The following SPRYD4 variants were observed in gnomAD, a reference collection of about 807,000 sequenced individuals.
SPRYD4 encodes SPRY domain containing 4.
In SPRYD4, 12 loss-of-function variants were observed where a neutral mutation model predicts 16.6. That is an observed-to-expected ratio of 0.72 (90% CI 0.46 to 1.17). The LOEUF (loss-of-function observed/expected upper bound fraction) is 1.17. SPRYD4 is among the 50% of genes most tolerant of loss of function. SPRYD4 has a pLI of 0.00. For synonymous variants in SPRYD4, 98 were observed against 105.4 expected (o/e 0.93, Z 0.43); for missense variants, 260 against 260.2 (o/e 1.00, Z 0.00).
rs1171708433 is a variant in SPRYD4 at position 56,473,204 on chromosome 12, C to T, written c.*3627C>T. On this transcript the variant is annotated 3_prime_UTR_variant, in exon 2 of 2. Coordinates refer to ENST00000338146, the MANE Select transcript of SPRYD4 (RefSeq NM_207344.4). ...GCACCTGGCCTTTGAAATATTCTTA[C>T]AAGCCACCTGGAGTTTTCCTTACCC... The T allele has an allele frequency of 6.2e-7, 1 of 1,609,006 alleles. No individual in the cohort carries two copies. The highest frequency in any genetic ancestry group is 8.5e-7 in the Non-Finnish European group (1 of 1,175,576).
In SPRYD4 at chr12:56,476,165, CT is replaced by C. The variant is rs34325581; in HGVS notation, c.*6596del. 4.0e-5 allele frequency: 21 copies of C among 531,212 alleles called. No individual in the cohort carries two copies. The highest frequency in any genetic ancestry group is 5.9e-5 in the African/African-American group (3 of 51,048). The allele number at this position is 531,212 out of a possible 1,614,324, so 32.9% of individuals were successfully genotyped here. A position where few individuals can be genotyped will look rare whatever the true frequency, so the allele number is the denominator to read the frequency against. On this transcript the variant is annotated 3_prime_UTR_variant, in exon 2 of 2. Transcript: ENST00000338146. ...TCCATTGGCTCCTCTCTTTCTCTTT[CT>C]TTTTTTTGAGACAGTCTTGCTTTGT...
rs1235173408 is a variant in SPRYD4 at position 56,475,580 on chromosome 12, A to G, written c.*6003A>G. ...TTGTCCCCATCCTAAGTACACACAC[A>G]TACACCACAATGCTTTCAGTCAGTC... On this transcript the variant is annotated 3_prime_UTR_variant, in exon 2 of 2. Coordinates refer to ENST00000338146, the MANE Select transcript of SPRYD4 (RefSeq NM_207344.4). 1.3e-6 allele frequency: 2 copies of G among 1,591,108 alleles called. No homozygotes were observed. The highest frequency in any genetic ancestry group is 1.7e-6 in the Non-Finnish European group (2 of 1,159,342).
chr12:56,475,583 C>A lies in SPRYD4; in HGVS notation c.*6006C>A. The A allele has an allele frequency of 6.3e-7, 1 of 1,595,466 alleles. No individual in the cohort carries two copies. The highest frequency in any genetic ancestry group is 8.6e-7 in the Non-Finnish European group (1 of 1,163,260). On this transcript the variant is annotated 3_prime_UTR_variant, in exon 2 of 2. Transcript: ENST00000338146. The stretch of plus-strand genomic sequence containing the variant: ...TCCCCATCCTAAGTACACACACATA[C>A]ACCACAATGCTTTCAGTCAGTCCTC...
At position 56,471,539 on chromosome 12, in the gene SPRYD4, G is replaced by A; in HGVS notation, c.*1962G>A. ...GGACAGGGCCTCAGCTGCTGCCTCA[G>A]CCTGAGTTTCAGAGAGTGTGTAGGA... On this transcript the variant is annotated 3_prime_UTR_variant, in exon 2 of 2. Transcript: ENST00000338146. 2 of 1,614,170 alleles carry A rather than the reference G, an allele frequency of 1.2e-6. No individual in the cohort carries two copies. The highest frequency in any genetic ancestry group is 1.7e-6 in the Non-Finnish European group (2 of 1,180,032).
intron 1 of SPRYD4, 128 bp downstream of exon 1, chr12:56,468,804 T>G: frequency 8.9e-7 from 1 of 1,122,828 alleles, no homozygotes; most frequent in Non-Finnish European, 1.3e-6. Context: ...GGTCTTAAGA[T>G]TCCAAACCTG....
rs914475794 is a variant in SPRYD4, at chr12:56,469,650, T to G, written c.*73T>G. 3.4e-6 allele frequency: 5 copies of G among 1,461,352 alleles called. No individual in the cohort carries two copies. The African/African-American group carries it at 7.1e-5, about 21-fold the overall frequency. The allele number at this position is 1,461,352 out of a possible 1,614,324, so 90.5% of individuals were successfully genotyped here. A position where few individuals can be genotyped will look rare whatever the true frequency, so the allele number is the denominator to read the frequency against. The stretch of plus-strand genomic sequence containing the variant: ...TTGAAAGTGTCCGAAGCCTTTTTAC[T>G]TTGCCTCAAGCAACCTCTAGCTCCC... On this transcript the variant is annotated 3_prime_UTR_variant, in exon 2 of 2. Coordinates refer to ENST00000338146, the MANE Select transcript of SPRYD4 (RefSeq NM_207344.4).
rs770636583 is a variant in SPRYD4 at position 56,478,155 on chromosome 12, C to G, written c.*8578C>G. ...CCTGTGTTCGGCACCTGTGCCCTGC[C>G]TCCCCTTCCTCTTGCCCAGCATCTC... On this transcript the variant is annotated 3_prime_UTR_variant, in exon 2 of 2. Coordinates refer to ENST00000338146, the MANE Select transcript of SPRYD4 (RefSeq NM_207344.4). The G allele has an allele frequency of 6.2e-7, 1 of 1,614,192 alleles. No individual in the cohort carries two copies. Among genetic ancestry groups the G allele is most frequent in the Non-Finnish European group, 8.5e-7 (1 of 1,180,014 alleles).
chr12:56,474,656 C>T lies in SPRYD4; in HGVS notation c.*5079C>T. ...ACTCTCGCCTGTGATGGGGCAGATC[C>T]CACCGTTGGCGAGGGTGGCTGCCAT... On this transcript the variant is annotated 3_prime_UTR_variant, in exon 2 of 2. Transcript: ENST00000338146. The T allele has an allele frequency of 6.2e-7, 1 of 1,613,928 alleles. No individual in the cohort carries two copies.
chr12:56,471,884 CT>C lies in SPRYD4; in HGVS notation c.*2310del. 6.3e-7 allele frequency: 1 copy of C among 1,586,306 alleles called. No homozygotes were observed. The highest frequency in any genetic ancestry group is 1.1e-5 in the South Asian group (1 of 90,144). On this transcript the variant is annotated 3_prime_UTR_variant, in exon 2 of 2. Transcript: ENST00000338146. ...AATGAGAAGGCGCAGGTCTTGAACC[CT>C]TTGGTGCAGACACTTAGCCACTGAA... is the stretch of plus-strand genomic sequence containing the variant.
chr12:56,475,285 C>T lies in SPRYD4; in HGVS notation c.*5708C>T. 6.7e-7 allele frequency: 1 copy of T among 1,485,332 alleles called. No individual in the cohort carries two copies. Among genetic ancestry groups the T allele is most frequent in the Non-Finnish European group, 9.1e-7 (1 of 1,104,912 alleles). 92.0% of individuals were successfully genotyped at this position (1,485,332 alleles called of 1,614,324 possible). On this transcript the variant is annotated 3_prime_UTR_variant, in exon 2 of 2. Coordinates refer to ENST00000338146, the MANE Select transcript of SPRYD4 (RefSeq NM_207344.4). ...TTTCTGAACCTGAGCAAACACTCAG[C>T]ATAGTTTTGTTATAAAGTAAACCCA...
rs568280019 is a variant in SPRYD4 at position 56,475,643 on chromosome 12, T to G, written c.*6066T>G. 1.9e-6 allele frequency: 3 copies of G among 1,614,004 alleles called. No individual in the cohort carries two copies. Among genetic ancestry groups the G allele is most frequent in the Non-Finnish European group, 2.5e-6 (3 of 1,180,026 alleles). On this transcript the variant is annotated 3_prime_UTR_variant, in exon 2 of 2. Transcript: ENST00000338146. ...ACTTACGTGGCATTGCTGAAACCCA[T>G]GTATTCATTCCCAGCCATTTTGTTG...
rs112064014 is a variant in SPRYD4, at chr12:56,473,074, A to G, written c.*3497A>G. The G allele has an allele frequency of 1.1e-3, 775 of 696,982 alleles. 8 individuals carry two copies. The African/African-American group carries it at 0.013, about 12-fold the overall frequency. 43.2% of individuals were successfully genotyped at this position (696,982 alleles called of 1,614,324 possible). On this transcript the variant is annotated 3_prime_UTR_variant, in exon 2 of 2. Transcript: ENST00000338146. ...CTGGCTAATTTTTTGTATTTTCAAT[A>G]GAGACCAGGTTTCACCGTGTTAGCC... is the stretch of plus-strand genomic sequence containing the variant.
At position 56,470,983 on chromosome 12, in the gene SPRYD4, A is replaced by G. The variant is rs1869213136; in HGVS notation, c.*1406A>G. On this transcript the variant is annotated 3_prime_UTR_variant, in exon 2 of 2. Coordinates refer to ENST00000338146, the MANE Select transcript of SPRYD4 (RefSeq NM_207344.4). The stretch of plus-strand genomic sequence containing the variant: ...GGTAATTAAAGTTTATTTGAACACA[A>G]AATACTTTCTCTGTCTATAAAATTG... 1 of 180,948 alleles carries G rather than the reference A, an allele frequency of 5.5e-6. No individual in the cohort carries two copies. Among genetic ancestry groups the G allele is most frequent in the South Asian group, 2.0e-4 (1 of 5,080 alleles). The allele number at this position is 180,948 out of a possible 1,614,324, so 11.2% of individuals were successfully genotyped here.
Position 56,471,776 on chromosome 12 carries a change from T to A in SPRYD4, c.*2199T>A. The A allele has an allele frequency of 6.2e-7, 1 of 1,614,154 alleles. No individual in the cohort carries two copies. The highest frequency in any genetic ancestry group is 8.5e-7 in the Non-Finnish European group (1 of 1,180,026). Reference sequence around the variant, plus strand: ...CCACTTTTAGCCTATTCCTCACCTGTCCTTGGCAAAAGGATTCACTTTGCA... The same window carrying A: ...CCACTTTTAGCCTATTCCTCACCTGACCTTGGCAAAAGGATTCACTTTGCA... On this transcript the variant is annotated 3_prime_UTR_variant, in exon 2 of 2. Coordinates refer to ENST00000338146, the MANE Select transcript of SPRYD4 (RefSeq NM_207344.4).
At position 56,469,477 on chromosome 12, in the gene SPRYD4, C is replaced by T. The variant is rs1592269793; in HGVS notation, c.524C>T (p.Thr175Met). The change falls in exon 2 of 2, where the codon ACG becomes ATG. Residue 175 changes from threonine to methionine, a missense_variant. Thr to Met is a moderately conservative substitution (Grantham distance 81, BLOSUM62 -1). Coordinates refer to ENST00000338146, the MANE Select transcript of SPRYD4 (RefSeq NM_207344.4). ...GTGAGCCAGGTCTCTGTGGTTCACACGCTACAGACAGATTTCCGGGGTCCA... is the reference window on the plus strand; with the variant it reads ...GTGAGCCAGGTCTCTGTGGTTCACATGCTACAGACAGATTTCCGGGGTCCA... The part of the protein sequence containing the change: ...VDVSQVSVVH[T>M]LQTDFRGPVV... 11 of 1,614,054 alleles carry T rather than the reference C, an allele frequency of 6.8e-6. No individual in the cohort carries two copies. Among genetic ancestry groups the T allele is most frequent in the South Asian group, 1.1e-5 (1 of 91,070 alleles).
chr12:56,468,639 C>T lies in SPRYD4; in HGVS notation c.48C>T (p.Ala16=), dbSNP rs1226370015. 2 of 1,614,082 alleles carry T rather than the reference C, an allele frequency of 1.2e-6. No individual in the cohort carries two copies. Among genetic ancestry groups the T allele is most frequent in the Non-Finnish European group, 8.5e-7 (1 of 1,179,976 alleles). The change falls in exon 1 of 2, where the codon GCC becomes GCT. Residue 16 remains alanine (A), a synonymous_variant. Coordinates refer to ENST00000338146, the MANE Select transcript of SPRYD4 (RefSeq NM_207344.4). ...ARSLRLCRWG[A]KRLGVASTEA... ...CTTTGCGCTTGTGCCGCTGGGGAGCCAAACGATTGGGAGTTGCCTCCACAG... is the reference window on the plus strand; with the variant it reads ...CTTTGCGCTTGTGCCGCTGGGGAGCTAAACGATTGGGAGTTGCCTCCACAG...
chr12:56,474,492 CTCT>C lies in SPRYD4; in HGVS notation c.*4920_*4922del, dbSNP rs1869609100. The C allele has an allele frequency of 6.2e-7, 1 of 1,605,700 alleles. No individual in the cohort carries two copies. Among genetic ancestry groups the C allele is most frequent in the Non-Finnish European group, 8.5e-7 (1 of 1,176,842 alleles). Reference sequence around the variant, plus strand: ...TCTATCTTGAGAGAGTCAGTGTTCTCTCTTCTTAGCACTGGGCTCATGACAGAT... The same window carrying C: ...TCTATCTTGAGAGAGTCAGTGTTCTCTCTTAGCACTGGGCTCATGACAGAT... On this transcript the variant is annotated 3_prime_UTR_variant, in exon 2 of 2. Transcript: ENST00000338146.
rs777024448 is a variant in SPRYD4, at chr12:56,474,753, G to A, written c.*5176G>A. 34 of 1,610,306 alleles carry A rather than the reference G, an allele frequency of 2.1e-5. No individual in the cohort carries two copies. In the East Asian group the frequency reaches 3.6e-4, roughly 17 times the overall value. On this transcript the variant is annotated 3_prime_UTR_variant, in exon 2 of 2. Coordinates refer to ENST00000338146, the MANE Select transcript of SPRYD4 (RefSeq NM_207344.4). Reference sequence around the variant, plus strand: ...AACAAAGAATAGGTGAAGATGTGACGTGAACCTGCACATGGGACCCTCGGG... The same window carrying A: ...AACAAAGAATAGGTGAAGATGTGACATGAACCTGCACATGGGACCCTCGGG...
In SPRYD4 at chr12:56,475,485, CAG is replaced by C; in HGVS notation, c.*5911_*5912del. 4.8e-6 allele frequency: 4 copies of C among 836,194 alleles called. No individual in the cohort carries two copies. In the South Asian group the frequency reaches 5.1e-5, roughly 11 times the overall value. 51.8% of individuals were successfully genotyped at this position (836,194 alleles called of 1,614,324 possible). ...ATAAACAAATGTTTATGAAGGGACT[CAG>C]AGGAAGCTGGAGGGCCAAAGTTCCC... On this transcript the variant is annotated 3_prime_UTR_variant, in exon 2 of 2. Transcript: ENST00000338146.
Sources: allele counts gnomAD v4.1 joint callset, GRCh38; gene constraint gnomAD v4.1.1; transcripts MANE v1.5; gene names NCBI Gene and HGNC (gene_info 2026-07-23, HGNC 2026-07-21).